PARD3B: variants seen among roughly 807,000 people sequenced by gnomAD.
PARD3B encodes the protein par-3 family cell polarity regulator beta, also known as partitioning defective 3 homolog B.
Under a neutral mutation model 130.2 loss-of-function variants are expected in PARD3B, and 103 were observed. The observed-to-expected ratio is 0.79, with a 90% CI of 0.67 to 0.93. The LOEUF (loss-of-function observed/expected upper bound fraction) is 0.93. Among genes scored for constraint, PARD3B ranks in the 40% least tolerant of loss-of-function variants. The pLI, the probability that PARD3B is intolerant of heterozygous loss-of-function variation, is 0.00. For missense variants in PARD3B, 1,609 were observed against 1,499.2 expected (o/e 1.07, Z -1.21); for synonymous variants, 583 against 553.2 (o/e 1.05, Z -0.76).
At chr2:205,551,223 A>T (rs2052631951) in intron 21 of PARD3B, among the ~76,000 whole-genome samples, 1 of 151,930 alleles carries the variant, frequency 6.6e-6, no homozygotes, top group South Asian at 2.1e-4. Flanking sequence ...CACAATTAAT[A>T]ACCTTCAGCA....
intron 2 of PARD3B, among the ~76,000 whole-genome samples, chr2:204,925,210 A>G (rs1687505986): frequency 6.6e-6 from 1 of 152,100 alleles, no homozygotes; most frequent in Non-Finnish European, 1.5e-5. Context: ...AAGCATGGAA[A>G]AGTGTAGTTA....
At chr2:204,764,269 T>G (rs2041036238) in intron 2 of PARD3B, among the ~76,000 whole-genome samples, 1 of 152,198 alleles carries the variant, frequency 6.6e-6, no homozygotes, top group South Asian at 2.1e-4. Context: ...ATGCAAGCCC[T>G]TAGCTTGAGT....
intron 1 of PARD3B, among the ~76,000 whole-genome samples, chr2:204,590,298 C>T (rs2033019477): frequency 6.6e-6 from 1 of 152,168 alleles, no homozygotes; most frequent in Non-Finnish European, 1.5e-5. Flanking sequence ...ACTTAATTAC[C>T]TTCCCAACGC....
rs1393824373 is a variant in PARD3B at position 205,553,307 on chromosome 2, T to G, written c.3181-17T>G. ...TGTATAATGGATCTTCATCTCTAAT[T>G]GCTTTTCTCTCCACAGGTGCCTGGA... On this transcript the variant is annotated splice_polypyrimidine_tract_variant and intron_variant, in intron 21 of 22. Transcript: ENST00000406610. The G allele has an allele frequency of 6.2e-7, 1 of 1,608,372 alleles. No individual in the cohort carries two copies. Among genetic ancestry groups the G allele is most frequent in the East Asian group, 2.2e-5 (1 of 44,798 alleles).
chr2:205,267,494 G>A (rs527962010), intron 16 of PARD3B, among the ~76,000 whole-genome samples: 1 of 152,192 alleles, frequency 6.6e-6, no homozygotes, highest in Non-Finnish European at 1.5e-5. Flanking sequence ...TATTCATCAA[G>A]GAAGGATTTG....
intron 18 of PARD3B, among the ~76,000 whole-genome samples, chr2:205,339,732 A>C (rs1222247916): frequency 6.6e-6 from 1 of 152,124 alleles, no homozygotes; most frequent in Non-Finnish European, 1.5e-5. Flanking sequence ...TTGTTCAGTT[A>C]CGGGCGCTAT....
intron 21 of PARD3B, among the ~76,000 whole-genome samples, chr2:205,533,357 A>G (rs1469622385): frequency 1.3e-5 from 2 of 152,210 alleles, no homozygotes; most frequent in East Asian, 1.9e-4. Context: ...AATGAAGTTC[A>G]TATTCTGTAC....
At chr2:205,539,504 C>G (rs2052025639) in intron 21 of PARD3B, among the ~76,000 whole-genome samples, 1 of 152,148 alleles carries the variant, frequency 6.6e-6, no homozygotes, top group Non-Finnish European at 1.5e-5. Flanking sequence ...GGTCAGGGGC[C>G]CATCAGCATC....
At chr2:204,980,979 A>G (rs1346836477) in intron 3 of PARD3B, among the ~76,000 whole-genome samples, 2 of 152,228 alleles carry the variant, frequency 1.3e-5, no homozygotes, top group Admixed American at 6.5e-5. Context: ...ATAAGATGTT[A>G]ACATAGGGGA....
At chr2:204,860,411 A>G (rs556014606) in intron 2 of PARD3B, among the ~76,000 whole-genome samples, 2 of 152,330 alleles carry the variant, frequency 1.3e-5, no homozygotes, top group East Asian at 3.9e-4. Context: ...TGGACGCTGA[A>G]GCAGAGCTTG....
chr2:204,829,560 T>C (rs990802644), intron 2 of PARD3B, among the ~76,000 whole-genome samples: 3 of 152,172 alleles, frequency 2.0e-5, no homozygotes, highest in Admixed American at 2.0e-4. Context: ...TTTGGCTTGG[T>C]GTCCCCACCC....
chr2:204,552,097 T>C (rs899628384), intron 1 of PARD3B, among the ~76,000 whole-genome samples: 6 of 152,198 alleles, frequency 3.9e-5, no homozygotes, highest in African/African-American at 1.4e-4. Context: ...ACAGTTCAGA[T>C]CCAATGCTCT....
Position 204,998,402 on chromosome 2 carries a change from A to G in PARD3B, c.394+33079A>G, listed in dbSNP as rs181108333. 8.9e-5 allele frequency among the ~76,000 whole-genome samples: 6 copies of G among 67,046 alleles called. 1 individual carries two copies. The highest frequency in any genetic ancestry group is 3.6e-4 in the African/African-American group (6 of 16,866). 44.0% of individuals were successfully genotyped at this position (67,046 alleles called of 152,430 possible). On this transcript the variant is annotated intron_variant, in intron 3 of 22. Transcript: ENST00000406610. The stretch of plus-strand genomic sequence containing the variant: ...TATATGTGTGTGTATATATGTATAT[A>G]TGTGTATATATATGTATATATGTGT...
intron 1 of PARD3B, among the ~76,000 whole-genome samples, chr2:204,612,103 TTTC>T (rs1229354036): frequency 6.6e-6 from 1 of 152,228 alleles, no homozygotes; most frequent in Non-Finnish European, 1.5e-5. Flanking sequence ...CTGTCTTCTG[TTTC>T]TTATTTATAG....
intron 3 of PARD3B, among the ~76,000 whole-genome samples, chr2:204,970,231 A>G (rs964214177): frequency 6.6e-5 from 10 of 152,124 alleles, no homozygotes; most frequent in African/African-American, 2.4e-4. Context: ...GCCCAACCCA[A>G]TCTTTGTCCC....
In PARD3B at chr2:205,045,061, G is replaced by A. The variant is rs117204469; in HGVS notation, c.395-2520G>A. Among the ~76,000 whole-genome samples, 1,337 of 150,164 alleles carry A rather than the reference G, an allele frequency of 8.9e-3. 8 individuals are homozygous for A. The highest frequency in any genetic ancestry group is 0.031 in the East Asian group (161 of 5,126). On this transcript the variant is annotated intron_variant, in intron 3 of 22. Transcript: ENST00000406610. Reference sequence around the variant, plus strand: ...CAGGTGTGGAGTACAGAAAAGCCGAGAAGAAGAAAGTTATTCCTGATATGT... The same window carrying A: ...CAGGTGTGGAGTACAGAAAAGCCGAAAAGAAGAAAGTTATTCCTGATATGT...
intron 1 of PARD3B, among the ~76,000 whole-genome samples, chr2:204,546,868 A>G (rs1456271817): frequency 6.6e-6 from 1 of 152,210 alleles, no homozygotes; most frequent in African/African-American, 2.4e-5. Context: ...TTAAGTGTGC[A>G]ATACATGTTG....
intron 2 of PARD3B, among the ~76,000 whole-genome samples, chr2:204,812,193 G>A (rs1159934756): frequency 6.6e-6 from 1 of 152,134 alleles, no homozygotes; most frequent in Admixed American, 6.6e-5. Flanking sequence ...ATTGCAGTGA[G>A]CATAAAGTTT....
chr2:205,102,886 A>G (rs572408618), intron 4 of PARD3B, among the ~76,000 whole-genome samples: 2 of 151,992 alleles, frequency 1.3e-5, no homozygotes, highest in South Asian at 4.2e-4. Flanking sequence ...AACACGGTGA[A>G]GCCCCATCTC....
Sources: gnomAD v4.1 joint callset for allele counts (sites outside exome capture counted in the v4.1 genomes callset) on GRCh38, gnomAD v4.1.1 for gene constraint, MANE v1.5 for transcripts, NCBI Gene and HGNC (gene_info 2026-07-23, HGNC 2026-07-21) for gene names.